The following PAN3 variants were observed in gnomAD, a reference collection of about 807,000 sequenced individuals.
The protein encoded by PAN3 is poly(A) specific ribonuclease subunit PAN3.
PAN3 carries 19 observed loss-of-function variants against 96.2 expected under a neutral mutation model. That is an observed-to-expected ratio of 0.20 (90% CI 0.14 to 0.29). The LOEUF (loss-of-function observed/expected upper bound fraction) is 0.29, where lower values mean the gene tolerates loss of function less well. Ranked by LOEUF, PAN3 falls within the 10% of genes least tolerant of loss-of-function variation. The pLI, the probability that PAN3 is intolerant of heterozygous loss-of-function variation, is 1.00. For synonymous variants in PAN3, 433 were observed against 406.6 expected (o/e 1.06, Z -0.78); for missense variants, 882 against 1,108.1 (o/e 0.80, Z 2.90).
At chr13:28,200,150 A>G (rs568608818) in intron 5 of PAN3, among the ~76,000 whole-genome samples, 1 of 152,338 alleles carries the variant, frequency 6.6e-6, no homozygotes, top group African/African-American at 2.4e-5. Flanking sequence ...CTGTAGCTCT[A>G]GTAACTACAG....
chr13:28,176,360 A>T, intron 2 of PAN3, 133 bp from the exon 3 acceptor site: 1 of 803,396 alleles, frequency 1.2e-6, no homozygotes, highest in Non-Finnish European at 2.0e-6. Context: ...TAACACTTAC[A>T]GGAAGATTAG....
intron 1 of PAN3, among the ~76,000 whole-genome samples, chr13:28,162,050 A>G (rs1433982881): frequency 6.6e-6 from 1 of 152,234 alleles, no homozygotes; most frequent in Non-Finnish European, 1.5e-5. Context: ...AAAGCAGGCT[A>G]CTTTTTGCAA....
intron 5 of PAN3, among the ~76,000 whole-genome samples, chr13:28,204,298 A>T (rs1198273092): frequency 6.6e-6 from 1 of 152,186 alleles, no homozygotes; most frequent in Admixed American, 6.5e-5. Context: ...ACTTTGCCTG[A>T]CCAATCTGTA....
At chr13:28,161,118 C>T (rs1466970321) in intron 1 of PAN3, among the ~76,000 whole-genome samples, 2 of 152,082 alleles carry the variant, frequency 1.3e-5, no homozygotes, top group Admixed American at 1.3e-4. Context: ...TAATGTTTGA[C>T]TGAAATATTT....
intron 5 of PAN3, among the ~76,000 whole-genome samples, chr13:28,210,312 T>TA (rs368344759): frequency 1.1e-4 from 16 of 152,300 alleles, no homozygotes; most frequent in African/African-American, 3.8e-4. Context: ...TAAAGCTTGT[T>TA]ACTAATTGAT....
In PAN3 at chr13:28,289,550, C is replaced by T. The variant is rs537266000; in HGVS notation, c.2523+1428C>T. Among the ~76,000 whole-genome samples the T allele has an allele frequency of 6.6e-5, 10 of 152,312 alleles. No homozygotes were observed. In the East Asian group the frequency reaches 7.7e-4, roughly 12 times the overall value. ...ACCCCCAAAGTGTTGGGATAATAGC[C>T]GTGAGCCACCACGCCCAGCAGCATT... On this transcript the variant is annotated intron_variant, in intron 18 of 18. Transcript: ENST00000380958.
At chr13:28,288,934 C>T (rs1869340589) in intron 18 of PAN3, among the ~76,000 whole-genome samples, 1 of 151,356 alleles carries the variant, frequency 6.6e-6, no homozygotes, top group Admixed American at 6.6e-5. Context: ...TCACGCCATT[C>T]TCCTGCCTCA....
At chr13:28,289,746 G>A (rs145610935) in intron 18 of PAN3, among the ~76,000 whole-genome samples, 391 of 152,300 alleles carry the variant, frequency 2.6e-3, no homozygotes, top group Non-Finnish European at 5.0e-3. Context: ...GCCGGGCATG[G>A]TGACAGGCAC....
chr13:28,191,967 G>A (rs962707571), intron 4 of PAN3, among the ~76,000 whole-genome samples: 6 of 151,802 alleles, frequency 4.0e-5, no homozygotes, highest in African/African-American at 1.5e-4. Context: ...CTTGAAGTCG[G>A]CTCAAACAGT....
At chr13:28,208,075 C>G (rs973600108) in intron 5 of PAN3, among the ~76,000 whole-genome samples, 7 of 151,984 alleles carry the variant, frequency 4.6e-5, no homozygotes, top group African/African-American at 1.7e-4. Flanking sequence ...TAAATTTTCC[C>G]TTGGTACAGT....
chr13:28,287,889 G>T, intron 17 of PAN3, 95 bp from the exon 18 acceptor site: 2 of 1,281,940 alleles, frequency 1.6e-6, no homozygotes, highest in South Asian at 1.8e-5. Context: ...TTGTTTATTG[G>T]GAAAAAGTAA....
chr13:28,169,222 C>CTTTTTTTTTTT lies in PAN3; in HGVS notation c.431-5036_431-5026dup, dbSNP rs202200725. Among the ~76,000 whole-genome samples the CTTTTTTTTTTT allele has an allele frequency of 2.1e-4, 16 of 74,988 alleles. 1 individual carries two copies. Among genetic ancestry groups the CTTTTTTTTTTT allele is most frequent in the African/African-American group, 5.0e-4 (9 of 17,862 alleles). 49.2% of individuals were successfully genotyped at this position (74,988 alleles called of 152,430 possible). A position where few individuals can be genotyped will look rare whatever the true frequency, so the allele number is the denominator to read the frequency against. ...CATTTTCTCATTTTTTTTTTGTTTG[C>CTTTTTTTTTTT]TTTTTTTTTTTTTTTTTTTTTTTTG... On this transcript the variant is annotated intron_variant, in intron 1 of 18. Coordinates refer to ENST00000380958, the MANE Select transcript of PAN3 (RefSeq NM_175854.8).
intron 6 of PAN3, 98 bp downstream of exon 6, chr13:28,220,476 T>C: frequency 7.2e-7 from 1 of 1,384,846 alleles, no homozygotes; most frequent in South Asian, 1.5e-5. Flanking sequence ...ACTTGAATGA[T>C]TCACATTTGA....
chr13:28,168,403 T>C (rs1311806596), intron 1 of PAN3, among the ~76,000 whole-genome samples: 4 of 152,142 alleles, frequency 2.6e-5, no homozygotes, highest in Non-Finnish European at 5.9e-5. Context: ...TTAATACAGA[T>C]GGCAATAGAG....
At chr13:28,199,236 T>TG (rs1470685248) in intron 5 of PAN3, among the ~76,000 whole-genome samples, 1 of 152,106 alleles carries the variant, frequency 6.6e-6, no homozygotes, top group East Asian at 1.9e-4. Flanking sequence ...TTGTAGGTTG[T>TG]GGGGGTGAAA....
chr13:28,144,027 T>C (rs7327654), intron 1 of PAN3, among the ~76,000 whole-genome samples: 151,606 of 152,146 alleles, frequency 1, 75,534 homozygotes, highest in Middle Eastern at 1. Context: ...TAGTATATCA[T>C]GAAGGCTTTA....
At chr13:28,215,117 G>C (rs1880567875) in intron 5 of PAN3, 1 of 801,918 alleles carries the variant, frequency 1.2e-6, no homozygotes, top group South Asian at 1.4e-5. Flanking sequence ...GTGACAACAT[G>C]CTGGAGCCAA....
rs1880560368 is a variant in PAN3 at position 28,215,062 on chromosome 13, A to G, written c.853-5169A>G. ...AGCACTTATATTAATAAAATTGGCT[A>G]CAATCCTGACACAGTAGCATTTGTG... On this transcript the variant is annotated intron_variant, in intron 5 of 18. Transcript: ENST00000380958. 7 of 1,000,068 alleles carry G rather than the reference A, an allele frequency of 7.0e-6. No individual in the cohort carries two copies. In the South Asian group the frequency reaches 9.0e-5, roughly 13 times the overall value. 61.9% of individuals were successfully genotyped at this position (1,000,068 alleles called of 1,614,324 possible).
chr13:28,240,522 A>G (rs1883560256), intron 6 of PAN3, among the ~76,000 whole-genome samples: 1 of 152,184 alleles, frequency 6.6e-6, no homozygotes, highest in Non-Finnish European at 1.5e-5. Flanking sequence ...AGGAGTAATG[A>G]TAGTATTACC....
Sources: gnomAD v4.1 joint callset for allele counts (sites outside exome capture counted in the v4.1 genomes callset) on GRCh38, gnomAD v4.1.1 for gene constraint, MANE v1.5 for transcripts, NCBI Gene and HGNC (gene_info 2026-07-23, HGNC 2026-07-21) for gene names.